Variants in DCC observed in about 807,000 individuals in gnomAD.
The protein encoded by DCC is netrin receptor DCC.
Under a neutral mutation model 172.5 loss-of-function variants are expected in DCC, and 58 were observed. That is an observed-to-expected ratio of 0.34 (90% CI 0.27 to 0.42). DCC has a LOEUF of 0.42. Among genes scored for constraint, DCC ranks in the 10% least tolerant of loss-of-function variants. The probability of loss-of-function intolerance (pLI) is 1.00; values close to 1 mark genes in which losing one functional copy is unlikely to be tolerated. For missense variants in DCC, 1,740 were observed against 1,791.0 expected (o/e 0.97, Z 0.51); for synonymous variants, 709 against 644.5 (o/e 1.10, Z -1.52).
chr18:52,561,396 CAT>C (rs1339872031), intron 1 of DCC, among the ~76,000 whole-genome samples: 1 of 149,952 alleles, frequency 6.7e-6, no homozygotes, highest in Admixed American at 6.7e-5. Flanking sequence ...CACACACACA[CAT>C]ATATAAATAT....
chr18:53,305,761 T>G, intron 13 of DCC, 42 bp downstream of exon 13: 1 of 1,594,038 alleles, frequency 6.3e-7, no homozygotes, highest in Non-Finnish European at 8.6e-7. Context: ...TTTTGATGAA[T>G]TAAATGCTTT....
intron 7 of DCC, among the ~76,000 whole-genome samples, chr18:53,128,870 C>CACAT (rs1300738812): frequency 3.0e-3 from 236 of 77,424 alleles, no homozygotes; most frequent in Non-Finnish European, 4.3e-3. Context: ...CACACACACA[C>CACAT]ATATATATAT....
rs76976662 is a variant in DCC, at chr18:53,417,274, C to T, written c.3163+1118C>T. ...GTCCTGTGTTTACATTCTTCTCTGG[C>T]GATGTATACTATGCAGCTGCTTAAC... On this transcript the variant is annotated intron_variant, in intron 21 of 28. Transcript: ENST00000442544. 8.3e-4 allele frequency among the ~76,000 whole-genome samples: 126 copies of T among 152,228 alleles called. 1 individual carries two copies. In the East Asian group the frequency reaches 0.018, roughly 22 times the overall value.
chr18:53,305,517 T>G (rs1463733179), intron 12 of DCC, 61 bp from the exon 13 acceptor site: 6 of 1,427,126 alleles, frequency 4.2e-6, no homozygotes, highest in Non-Finnish European at 5.9e-6. Context: ...GTTACTTCTT[T>G]GACCCTGTCC....
intron 5 of DCC, among the ~76,000 whole-genome samples, chr18:53,057,103 A>T (rs992657530): frequency 3.8e-5 from 5 of 129,918 alleles, no homozygotes. Flanking sequence ...AAAAAAAAAA[A>T]GCAAGTCTTC....
chr18:52,536,590 T>C (rs1362140034), intron 1 of DCC, among the ~76,000 whole-genome samples: 1 of 152,086 alleles, frequency 6.6e-6, no homozygotes, highest in African/African-American at 2.4e-5. Flanking sequence ...ATCCTAGATC[T>C]CTAAACAGGG....
chr18:53,393,300 T>G (rs1212461800), intron 17 of DCC, among the ~76,000 whole-genome samples: 1 of 152,182 alleles, frequency 6.6e-6, no homozygotes, highest in Non-Finnish European at 1.5e-5. Flanking sequence ...TCATCATAAA[T>G]CAGATTTTAG....
intron 15 of DCC, among the ~76,000 whole-genome samples, chr18:53,359,646 G>A (rs1178380019): frequency 6.6e-6 from 1 of 152,084 alleles, no homozygotes; most frequent in Non-Finnish European, 1.5e-5. Flanking sequence ...TCTTCACAAT[G>A]TCTGCTCTAA....
chr18:52,755,674 T>C (rs2037065938), intron 2 of DCC, among the ~76,000 whole-genome samples: 1 of 152,138 alleles, frequency 6.6e-6, no homozygotes, highest in Non-Finnish European at 1.5e-5. Flanking sequence ...TAGCACTCAA[T>C]AAACCAGTCA....
chr18:53,306,263 G>T (rs1445790190), intron 13 of DCC, among the ~76,000 whole-genome samples: 4 of 152,102 alleles, frequency 2.6e-5, no homozygotes, highest in African/African-American at 4.8e-5. Flanking sequence ...TGCATGTAAA[G>T]AATATATTTT....
chr18:53,089,576 T>TAA (rs920548901), intron 7 of DCC, among the ~76,000 whole-genome samples: 1 of 112,742 alleles, frequency 8.9e-6, no homozygotes, highest in Admixed American at 8.1e-5. Context: ...TCCTCCTAAC[T>TAA]AAAAAAAAAA....
Position 52,340,662 on chromosome 18 carries a change from C to G in DCC, c.-126C>G. On this transcript the variant is annotated 5_prime_UTR_variant, in exon 1 of 29. Coordinates refer to ENST00000442544, the MANE Select transcript of DCC (RefSeq NM_005215.4). ...TGGAGAAAGAGGTGGAGGAAGAGGA[C>G]GAGGAGGAGGAGGAAGCCGAAGGGG... 1.3e-6 allele frequency: 1 copy of G among 781,846 alleles called. No individual in the cohort carries two copies. The highest frequency in any genetic ancestry group is 2.4e-5 in the East Asian group (1 of 41,134). The allele number at this position is 781,846 out of a possible 1,614,324, so 48.4% of individuals were successfully genotyped here. A position where few individuals can be genotyped will look rare whatever the true frequency, so the allele number is the denominator to read the frequency against.
At chr18:53,515,753 G>T (rs1265275430) in intron 27 of DCC, among the ~76,000 whole-genome samples, 1 of 151,664 alleles carries the variant, frequency 6.6e-6, no homozygotes, top group Non-Finnish European at 1.5e-5. Flanking sequence ...GGATGTGAAG[G>T]ACCTCTTCAA....
intron 1 of DCC, among the ~76,000 whole-genome samples, chr18:52,560,778 T>G (rs2144739159): frequency 1.3e-5 from 2 of 152,314 alleles, no homozygotes; most frequent in South Asian, 4.1e-4. Flanking sequence ...TGTCTTTTAT[T>G]TGGATGTGAG....
rs1304701408 is a variant in DCC at position 53,532,400 on chromosome 18, C to T, written c.*1747C>T. On this transcript the variant is annotated 3_prime_UTR_variant, in exon 29 of 29. Coordinates refer to ENST00000442544, the MANE Select transcript of DCC (RefSeq NM_005215.4). ...AAATGGTTCATTAGAAAGTCCGGTC[C>T]ATTTGCGAATTTGTTCCTTCAACAA... 6.6e-6 allele frequency: 1 copy of T among 152,114 alleles called. No homozygotes were observed. The highest frequency in any genetic ancestry group is 6.5e-5 in the Admixed American group (1 of 15,274). The allele number at this position is 152,114 out of a possible 1,614,324, so 9.4% of individuals were successfully genotyped here.
At chr18:53,484,561 T>C (rs2045878998) in intron 25 of DCC, among the ~76,000 whole-genome samples, 1 of 152,050 alleles carries the variant, frequency 6.6e-6, no homozygotes, top group Non-Finnish European at 1.5e-5. Flanking sequence ...AATTAACTTC[T>C]GGGTCTTACA....
intron 1 of DCC, among the ~76,000 whole-genome samples, chr18:52,613,995 T>C (rs2034326808): frequency 6.6e-6 from 1 of 152,160 alleles, no homozygotes; most frequent in Admixed American, 6.5e-5. Flanking sequence ...TGTGCCGGGA[T>C]GTTAAGCTCA....
rs564517619 is a variant in DCC at position 53,358,623 on chromosome 18, C to T, written c.2359+18716C>T. On this transcript the variant is annotated intron_variant, in intron 15 of 28. Transcript: ENST00000442544. ...GCAACCTCTGCCTTCCAGGTTCAAC[C>T]GATTCTCCTGCCTCAGCCTCCCAAG... Among the ~76,000 whole-genome samples, 14 of 146,458 alleles carry T rather than the reference C, an allele frequency of 9.6e-5. No homozygotes were observed. In the South Asian group the frequency reaches 1.3e-3, roughly 14 times the overall value.
Position 52,598,368 on chromosome 18 carries a change from G to A in DCC, c.92-153686G>A, listed in dbSNP as rs997640878. Among the ~76,000 whole-genome samples the A allele has an allele frequency of 2.0e-5, 3 of 152,162 alleles. No homozygotes were observed. In the East Asian group the frequency reaches 5.8e-4, roughly 29 times the overall value. On this transcript the variant is annotated intron_variant, in intron 1 of 28. Coordinates refer to ENST00000442544, the MANE Select transcript of DCC (RefSeq NM_005215.4). ...GTTTTCTGATGTAAGTGAGATATTA[G>A]CTGAGTCTCAAAAAAGGAATGAGGT... is the stretch of plus-strand genomic sequence containing the variant.
Sources: gnomAD v4.1 joint callset for allele counts (sites outside exome capture counted in the v4.1 genomes callset) on GRCh38, gnomAD v4.1.1 for gene constraint, MANE v1.5 for transcripts, NCBI Gene and HGNC (gene_info 2026-07-23, HGNC 2026-07-21) for gene names.